The following ACTR3B variants were observed in gnomAD, a reference collection of about 807,000 sequenced individuals.
ACTR3B encodes the protein actin-related protein 3B.
ACTR3B carries 8 observed loss-of-function variants against 59.0 expected under a neutral mutation model. The ratio of observed to expected loss-of-function variants is 0.14; its 90% CI spans 0.08 to 0.24. The LOEUF (loss-of-function observed/expected upper bound fraction) is 0.24, where lower values mean the gene tolerates loss of function less well. Ranked by LOEUF, ACTR3B falls within the 10% of genes least tolerant of loss-of-function variation. ACTR3B has a pLI of 1.00. For missense variants in ACTR3B, 245 were observed against 552.3 expected, an observed-to-expected ratio of 0.44 and a Z score of 5.58; for synonymous variants, 148 against 197.9, an observed-to-expected ratio of 0.75 and a Z score of 2.12.
intron 2 of ACTR3B, among the ~76,000 whole-genome samples, chr7:152,784,390 T>G (rs2116623246): frequency 6.6e-6 from 1 of 152,284 alleles, no homozygotes; most frequent in Non-Finnish European, 1.5e-5. Context: ...AATGTGGGTA[T>G]TCACATCACT....
At chr7:152,784,611 A>C (rs2098165482) in intron 2 of ACTR3B, among the ~76,000 whole-genome samples, 1 of 152,200 alleles carries the variant, frequency 6.6e-6, no homozygotes, top group Non-Finnish European at 1.5e-5. Flanking sequence ...GCCATAACAA[A>C]ATACTAAAGA....
chr7:152,783,737 C>T (rs1384258674), intron 2 of ACTR3B, among the ~76,000 whole-genome samples: 9 of 151,906 alleles, frequency 5.9e-5, no homozygotes, highest in Non-Finnish European at 5.9e-5. Context: ...TGGCATGGGG[C>T]GTTCTACTCA....
intron 2 of ACTR3B, among the ~76,000 whole-genome samples, chr7:152,797,876 T>A (rs918872244): frequency 1.3e-5 from 2 of 152,174 alleles, no homozygotes; most frequent in African/African-American, 2.4e-5. Flanking sequence ...CTTTTTTTTT[T>A]AAATGGCTGA....
intron 2 of ACTR3B, among the ~76,000 whole-genome samples, chr7:152,797,820 A>G (rs2098222534): frequency 6.6e-6 from 1 of 152,062 alleles, no homozygotes; most frequent in Non-Finnish European, 1.5e-5. Flanking sequence ...TACTTAACAT[A>G]GTGCCCTCGA....
chr7:152,844,901 A>G (rs947617173), intron 9 of ACTR3B, among the ~76,000 whole-genome samples: 1 of 146,094 alleles, frequency 6.8e-6, no homozygotes, highest in Non-Finnish European at 1.5e-5. Context: ...AACAAAGTCA[A>G]CAGAAAAAGC....
chr7:152,853,587 T>C lies in ACTR3B; in HGVS notation c.1161+10T>C. ...CATGCTGGCCTCGACTGTAAGTCCCTCTCTCGAGGGCTCTGTGTCTCCATT... is the reference window on the plus strand; with the variant it reads ...CATGCTGGCCTCGACTGTAAGTCCCCCTCTCGAGGGCTCTGTGTCTCCATT... On this transcript the variant is annotated intron_variant, in intron 11 of 11. Coordinates refer to ENST00000256001, the MANE Select transcript of ACTR3B (RefSeq NM_020445.6). 1 of 1,610,600 alleles carries C rather than the reference T, an allele frequency of 6.2e-7. No individual in the cohort carries two copies. The highest frequency in any genetic ancestry group is 8.5e-7 in the Non-Finnish European group (1 of 1,178,000).
intron 2 of ACTR3B, among the ~76,000 whole-genome samples, chr7:152,787,806 G>A (rs2098179671): frequency 6.6e-6 from 1 of 151,692 alleles, no homozygotes; most frequent in Non-Finnish European, 1.5e-5. Flanking sequence ...TTAATCTAGT[G>A]GGTTCGATTC....
intron 2 of ACTR3B, among the ~76,000 whole-genome samples, chr7:152,784,760 C>G (rs1304731641): frequency 2.0e-5 from 3 of 152,130 alleles, no homozygotes; most frequent in Non-Finnish European, 4.4e-5. Flanking sequence ...GGTCTCATCT[C>G]TGTGTCAGTG....
At chr7:152,810,232 G>A (rs1436536615) in intron 4 of ACTR3B, among the ~76,000 whole-genome samples, 1 of 151,948 alleles carries the variant, frequency 6.6e-6, no homozygotes, top group African/African-American at 2.4e-5. Context: ...TCAGCCACCC[G>A]ACTGGCTGGG....
chr7:152,777,046 A>G (rs1311242048), intron 1 of ACTR3B, among the ~76,000 whole-genome samples: 2 of 152,170 alleles, frequency 1.3e-5, no homozygotes, highest in Admixed American at 6.5e-5. Context: ...ATCTTTGCAT[A>G]CATGTACAAA....
chr7:152,777,105 T>C (rs1275402267), intron 1 of ACTR3B, among the ~76,000 whole-genome samples: 1 of 152,174 alleles, frequency 6.6e-6, no homozygotes, highest in Non-Finnish European at 1.5e-5. Context: ...GCTAATAGGG[T>C]ATGTGCATTA....
At chr7:152,844,345 G>A (rs143646032) in intron 9 of ACTR3B, among the ~76,000 whole-genome samples, 685 of 137,464 alleles carry the variant, frequency 5.0e-3, no homozygotes, top group African/African-American at 0.015. Flanking sequence ...GGCATGAGCC[G>A]TCACGCCAGA....
chr7:152,794,608 T>C (rs565241728), intron 2 of ACTR3B, among the ~76,000 whole-genome samples: 3 of 152,276 alleles, frequency 2.0e-5, no homozygotes, highest in Admixed American at 6.5e-5. Flanking sequence ...ATCTGTCACT[T>C]GTATTGGCAC....
At chr7:152,848,030 A>T (rs565695549) in intron 9 of ACTR3B, among the ~76,000 whole-genome samples, 1 of 152,322 alleles carries the variant, frequency 6.6e-6, no homozygotes, top group African/African-American at 2.4e-5. Flanking sequence ...CCAGTGATAG[A>T]ATTTAGGAGA....
intron 1 of ACTR3B, among the ~76,000 whole-genome samples, chr7:152,768,049 T>C (rs530430309): frequency 1.3e-5 from 2 of 152,316 alleles, no homozygotes; most frequent in African/African-American, 4.8e-5. Flanking sequence ...GGCAAAACCC[T>C]GTCTCTTCTA....
intron 6 of ACTR3B, among the ~76,000 whole-genome samples, chr7:152,817,042 T>C (rs548295568): frequency 2.1e-5 from 3 of 146,208 alleles, no homozygotes; most frequent in African/African-American, 7.4e-5. Context: ...TCTGAAAAGA[T>C]GTGAATGGCA....
intron 1 of ACTR3B, among the ~76,000 whole-genome samples, chr7:152,773,938 T>C (rs1308283482): frequency 6.6e-6 from 1 of 152,070 alleles, no homozygotes; most frequent in Non-Finnish European, 1.5e-5. Context: ...GTCCCACAGG[T>C]ACCTGGGCAC....
At chr7:152,763,704 G>A (rs1396905912) in intron 1 of ACTR3B, among the ~76,000 whole-genome samples, 9 of 152,214 alleles carry the variant, frequency 5.9e-5, no homozygotes, top group Non-Finnish European at 1.0e-4. Flanking sequence ...GATTACAGGC[G>A]TGAGCCACTG....
chr7:152,769,000 C>T lies in ACTR3B; in HGVS notation c.44+9074C>T, dbSNP rs532058723. On this transcript the variant is annotated intron_variant, in intron 1 of 11. Transcript: ENST00000256001. Reference sequence around the variant, plus strand: ...CCCGAGGAGCTGGGATTATAGGCACCCGCCACCATGCCTGGCTAATTTTTG... The same window carrying T: ...CCCGAGGAGCTGGGATTATAGGCACTCGCCACCATGCCTGGCTAATTTTTG... Among the ~76,000 whole-genome samples, 435 of 151,786 alleles carry T rather than the reference C, an allele frequency of 2.9e-3. 4 individuals are homozygous for T. The highest frequency in any genetic ancestry group is 0.011 in the South Asian group (52 of 4,800).
Sources: gnomAD v4.1 joint callset for allele counts (sites outside exome capture counted in the v4.1 genomes callset) on GRCh38, gnomAD v4.1.1 for gene constraint, MANE v1.5 for transcripts, NCBI Gene and HGNC (gene_info 2026-07-23, HGNC 2026-07-21) for gene names.